Variants in SPOCK1 observed in about 807,000 individuals in gnomAD.
SPOCK1 encodes testican-1.
Under a neutral mutation model 55.3 loss-of-function variants are expected in SPOCK1, and 23 were observed. The ratio of observed to expected loss-of-function variants is 0.42; its 90% CI spans 0.30 to 0.59. The LOEUF (loss-of-function observed/expected upper bound fraction) is 0.59, where lower values mean the gene tolerates loss of function less well. Among genes scored for constraint, SPOCK1 ranks in the 20% least tolerant of loss-of-function variants. The pLI is 0.22. For synonymous variants in SPOCK1, 226 were observed against 221.0 expected, an observed-to-expected ratio of 1.02 and a Z score of -0.20; for missense variants, 499 against 552.5, an observed-to-expected ratio of 0.90 and a Z score of 0.97.
intron 6 of SPOCK1, among the ~76,000 whole-genome samples, chr5:137,066,768 C>T (rs761078035): frequency 1.3e-5 from 2 of 152,146 alleles, no homozygotes; most frequent in Non-Finnish European, 2.9e-5. Context: ...CTTCCACATC[C>T]TGACTTAAAC....
intron 3 of SPOCK1, among the ~76,000 whole-genome samples, chr5:137,213,152 A>G (rs906763363): frequency 1.3e-5 from 2 of 152,128 alleles, no homozygotes; most frequent in African/African-American, 4.8e-5. Context: ...GAGTGGAGAA[A>G]TCAAGTGAAA....
At chr5:137,227,689 G>C (rs1755970913) in intron 3 of SPOCK1, among the ~76,000 whole-genome samples, 1 of 152,170 alleles carries the variant, frequency 6.6e-6, no homozygotes, top group Non-Finnish European at 1.5e-5. Context: ...TTAGAAGAAA[G>C]GTCACAGCTT....
intron 2 of SPOCK1, among the ~76,000 whole-genome samples, chr5:137,335,320 A>T (rs13158377): frequency 1.3e-5 from 2 of 152,182 alleles, no homozygotes; most frequent in African/African-American, 4.8e-5. Flanking sequence ...TTTAAAAAAT[A>T]TGCATCAGCA....
At chr5:137,384,510 A>G (rs1469906778) in intron 2 of SPOCK1, among the ~76,000 whole-genome samples, 2 of 152,030 alleles carry the variant, frequency 1.3e-5, no homozygotes, top group African/African-American at 4.8e-5. Context: ...GGTGGCATAT[A>G]CATACATACA....
In SPOCK1 at chr5:137,038,356, G is replaced by A. The variant is rs1751925357; in HGVS notation, c.589+29359C>T. On this transcript the variant is annotated intron_variant, in intron 6 of 10. Transcript: ENST00000394945. ...TCTGGCAGGTAAGGAGCAGGTACCT[G>A]ACAATGCCCAGAACCAGGCCTGGGA... Among the ~76,000 whole-genome samples the A allele has an allele frequency of 2.0e-5, 3 of 152,170 alleles. No individual in the cohort carries two copies. The South Asian group carries it at 6.2e-4, about 32-fold the overall frequency.
At chr5:137,348,526 A>G (rs1374423858) in intron 2 of SPOCK1, among the ~76,000 whole-genome samples, 4 of 152,078 alleles carry the variant, frequency 2.6e-5, no homozygotes, top group African/African-American at 9.7e-5. Context: ...GTGAGTTATT[A>G]ATGTGAAAGA....
rs1756571660 is a variant in SPOCK1, at chr5:137,253,286, A to G, written c.232+13724T>C. 2.0e-5 allele frequency among the ~76,000 whole-genome samples: 3 copies of G among 152,196 alleles called. No individual in the cohort carries two copies. In the South Asian group the frequency reaches 6.2e-4, roughly 32 times the overall value. On this transcript the variant is annotated intron_variant, in intron 3 of 10. Transcript: ENST00000394945. ...GGGTAGGTTGCTTTTCTTTACTAGGAACACCCAGTAATTCTGCCATTTTTC... is the reference window on the plus strand; with the variant it reads ...GGGTAGGTTGCTTTTCTTTACTAGGGACACCCAGTAATTCTGCCATTTTTC...
intron 6 of SPOCK1, among the ~76,000 whole-genome samples, chr5:137,006,113 T>C (rs1751241367): frequency 6.6e-6 from 1 of 152,242 alleles, no homozygotes; most frequent in South Asian, 2.1e-4. Context: ...TGAAGCCTTG[T>C]AGTATAGTTT....
In SPOCK1 at chr5:136,988,489, C is replaced by T. The variant is rs770892032; in HGVS notation, c.861G>A (p.Ser287=). ...YEPCIKPLFN[S]CDSFKDGKLS... The stretch of plus-strand genomic sequence containing the variant: ...GCTTGCCATCCTTGAAGGAGTCACA[C>T]GAGTTGAAAAGAGGCTTGATACAGG... Residue 287 remains serine, a synonymous_variant, in exon 8 of 11, where the codon TCG becomes TCA. Transcript: ENST00000394945. The T allele has an allele frequency of 1.9e-5, 31 of 1,613,986 alleles. No individual in the cohort carries two copies. Among genetic ancestry groups the T allele is most frequent in the African/African-American group, 9.3e-5 (7 of 74,890 alleles).
At chr5:137,454,778 T>C (rs1027700869) in intron 2 of SPOCK1, among the ~76,000 whole-genome samples, 3 of 152,218 alleles carry the variant, frequency 2.0e-5, no homozygotes, top group African/African-American at 7.2e-5. Context: ...AATTGTTGAA[T>C]CACAGCAATA....
intron 2 of SPOCK1, among the ~76,000 whole-genome samples, chr5:137,420,888 C>T (rs9688083): frequency 2.6e-5 from 4 of 152,280 alleles, no homozygotes; most frequent in African/African-American, 7.2e-5. Context: ...ATTGTGATGT[C>T]AGGTTGTCAA....
chr5:137,487,181 G>A (rs1754076605), intron 2 of SPOCK1, among the ~76,000 whole-genome samples: 1 of 152,078 alleles, frequency 6.6e-6, no homozygotes, highest in Admixed American at 6.5e-5. Flanking sequence ...AATTCAAGCA[G>A]CTGGGGAAAA....
intron 3 of SPOCK1, among the ~76,000 whole-genome samples, chr5:137,152,886 AT>A (rs1754344768): frequency 6.6e-6 from 1 of 152,188 alleles, no homozygotes; most frequent in South Asian, 2.1e-4. Flanking sequence ...ATACCATTCC[AT>A]TCTTACACCA....
intron 2 of SPOCK1, among the ~76,000 whole-genome samples, chr5:137,483,103 C>T (rs1450283966): frequency 6.6e-6 from 1 of 152,162 alleles, no homozygotes; most frequent in Non-Finnish European, 1.5e-5. Context: ...AAGGCCGAGG[C>T]GGGTGGATCA....
At position 137,422,925 on chromosome 5, in the gene SPOCK1, T is replaced by C. The variant is rs573824920; in HGVS notation, c.186+75448A>G. On this transcript the variant is annotated intron_variant, in intron 2 of 10. Transcript: ENST00000394945. Reference sequence around the variant, plus strand: ...CCCCATCTTTGTGGTTTTATCTACCTTTGGTCTTTGATGATGGTGACGTAC... The same window carrying C: ...CCCCATCTTTGTGGTTTTATCTACCCTTGGTCTTTGATGATGGTGACGTAC... 1.4e-4 allele frequency among the ~76,000 whole-genome samples: 22 copies of C among 152,294 alleles called. 1 individual carries two copies. The South Asian group carries it at 4.6e-3, about 32-fold the overall frequency.
At position 137,422,573 on chromosome 5, in the gene SPOCK1, G is replaced by A. The variant is rs375171979; in HGVS notation, c.186+75800C>T. On this transcript the variant is annotated intron_variant, in intron 2 of 10. Coordinates refer to ENST00000394945, the MANE Select transcript of SPOCK1 (RefSeq NM_004598.4). ...CTGATACCCTTTCTTCCAGTTGATCGAATCAGCTACTGAGGCTTGTGCATT... is the reference window on the plus strand; with the variant it reads ...CTGATACCCTTTCTTCCAGTTGATCAAATCAGCTACTGAGGCTTGTGCATT... 4.0e-4 allele frequency among the ~76,000 whole-genome samples: 61 copies of A among 152,170 alleles called. 1 individual carries two copies. In the East Asian group the frequency reaches 0.011, roughly 28 times the overall value.
chr5:137,035,383 C>T (rs1042232670), intron 6 of SPOCK1, among the ~76,000 whole-genome samples: 3 of 152,146 alleles, frequency 2.0e-5, no homozygotes, highest in Non-Finnish European at 2.9e-5. Flanking sequence ...GCAGAGACTC[C>T]GATTTGCAAG....
chr5:137,034,624 G>C (rs566627634), intron 6 of SPOCK1, among the ~76,000 whole-genome samples: 1 of 152,146 alleles, frequency 6.6e-6, no homozygotes, highest in South Asian at 2.1e-4. Context: ...CAGAAAACTC[G>C]GGTTGTCTCA....
intron 6 of SPOCK1, among the ~76,000 whole-genome samples, chr5:136,994,634 C>G (rs191035138): frequency 6.6e-6 from 1 of 151,534 alleles, no homozygotes; most frequent in East Asian, 1.9e-4. Flanking sequence ...ACAAATCCAC[C>G]TACACACAAC....
Sources: allele counts gnomAD v4.1 joint callset (sites outside exome capture counted in the v4.1 genomes callset), GRCh38; gene constraint gnomAD v4.1.1; transcripts MANE v1.5; gene names NCBI Gene and HGNC (gene_info 2026-07-23, HGNC 2026-07-21).